Variants in LNX1 observed in about 807,000 individuals in gnomAD.
The protein encoded by LNX1 is ligand of numb-protein X 1, also known as E3 ubiquitin-protein ligase LNX.
Under a neutral mutation model 68.4 loss-of-function variants are expected in LNX1, and 54 were observed. The ratio of observed to expected loss-of-function variants is 0.79; its 90% CI spans 0.63 to 0.99. LNX1 has a LOEUF of 0.99. LNX1 is among the 50% of genes least tolerant of loss of function. The pLI is 0.00. For synonymous variants in LNX1, 336 were observed against 350.0 expected (o/e 0.96, Z 0.45); for missense variants, 906 against 926.4 (o/e 0.98, Z 0.29).
chr4:53,567,025 G>A (rs1730746322), intron 2 of LNX1, among the ~76,000 whole-genome samples: 1 of 150,648 alleles, frequency 6.6e-6, no homozygotes, highest in Non-Finnish European at 1.5e-5. Flanking sequence ...AAGAGACTTA[G>A]ACTCCCACAC....
chr4:53,553,755 A>G (rs368294521), intron 2 of LNX1, among the ~76,000 whole-genome samples: 74 of 152,126 alleles, frequency 4.9e-4, no homozygotes, highest in African/African-American at 1.8e-3. Context: ...GCCCTGATCT[A>G]TGGATTGGGA....
chr4:53,591,707 C>A (rs1260437302), upstream of LNX1: 3 of 383,284 alleles, frequency 7.8e-6, no homozygotes, highest in African/African-American at 2.2e-5. Context: ...TCAGTTAGAG[C>A]AATTTGCCAG....
Position 53,576,001 on chromosome 4 carries a change from C to T in LNX1, c.-86-1913G>A. 10 of 1,564,766 alleles carry T rather than the reference C, an allele frequency of 6.4e-6. No individual in the cohort carries two copies. The South Asian group carries it at 1.1e-4, about 17-fold the overall frequency. ...CATGCACACGCTGCTCCAGCAGGCCCTCCATCTTCCCCCCACCAGCCTGAA... is the reference window on the plus strand; with the variant it reads ...CATGCACACGCTGCTCCAGCAGGCCTTCCATCTTCCCCCCACCAGCCTGAA... On this transcript the variant is annotated intron_variant, in intron 1 of 10. Coordinates refer to ENST00000263925, the MANE Select transcript of LNX1 (RefSeq NM_001126328.3).
At chr4:53,640,996 A>G (rs888086781) in intron 1 of LNX1, among the ~76,000 whole-genome samples, 2 of 152,130 alleles carry the variant, frequency 1.3e-5, no homozygotes, top group Admixed American at 6.5e-5. Context: ...ATGAAAAGGT[A>G]TTGGAAGGCT....
At chr4:53,605,786 G>A (rs1733203538) in intron 2 of LNX1, among the ~76,000 whole-genome samples, 1 of 152,040 alleles carries the variant, frequency 6.6e-6, no homozygotes, top group Admixed American at 6.6e-5. Context: ...ATATTCCATT[G>A]TACATATGAA....
At chr4:53,507,853 T>C (rs775296172) in intron 3 of LNX1, 133 bp downstream of exon 3, 20 of 1,205,486 alleles carry the variant, frequency 1.7e-5, no homozygotes, top group Middle Eastern at 2.7e-4. Flanking sequence ...GAATTGGACA[T>C]TGGGTTCCTG....
At chr4:53,636,117 C>T (rs1358978487) in intron 1 of LNX1, among the ~76,000 whole-genome samples, 1 of 144,012 alleles carries the variant, frequency 6.9e-6, no homozygotes. Context: ...CTACTGAGGA[C>T]AATGCCTGCA....
At chr4:53,603,182 T>C (rs977171019) in intron 2 of LNX1, among the ~76,000 whole-genome samples, 2 of 152,236 alleles carry the variant, frequency 1.3e-5, no homozygotes, top group African/African-American at 2.4e-5. Context: ...CTGGTTGTGC[T>C]GGCCGTGGGG....
intron 2 of LNX1, among the ~76,000 whole-genome samples, chr4:53,554,478 T>G (rs1214515427): frequency 2.0e-5 from 3 of 152,254 alleles, no homozygotes; most frequent in African/African-American, 7.2e-5. Flanking sequence ...TTTGAATGCT[T>G]TCAGGCATTA....
At chr4:53,575,412 A>C (rs1409510158) in intron 1 of LNX1, 1 of 724,082 alleles carries the variant, frequency 1.4e-6, no homozygotes, top group Non-Finnish European at 1.7e-6. Flanking sequence ...GTAGAAAGTC[A>C]ATAAATAGTT....
chr4:53,609,091 C>G (rs1053877470), intron 2 of LNX1, among the ~76,000 whole-genome samples: 1 of 152,022 alleles, frequency 6.6e-6, no homozygotes, highest in African/African-American at 2.4e-5. Flanking sequence ...AATAGAGAAC[C>G]AGAAATAATG....
At chr4:53,570,177 G>T (rs1731045862) in intron 2 of LNX1, among the ~76,000 whole-genome samples, 1 of 139,284 alleles carries the variant, frequency 7.2e-6, no homozygotes. Context: ...TATACCCAAA[G>T]GACTATAAAT....
At chr4:53,606,489 A>AC (rs913426113) in intron 2 of LNX1, among the ~76,000 whole-genome samples, 76 of 54,250 alleles carry the variant, frequency 1.4e-3, no homozygotes, top group African/African-American at 4.1e-3. Flanking sequence ...AAACAAACAA[A>AC]AAAAAAACAG....
intron 2 of LNX1, among the ~76,000 whole-genome samples, chr4:53,559,346 T>C (rs1472784088): frequency 6.6e-6 from 1 of 152,232 alleles, no homozygotes; most frequent in Non-Finnish European, 1.5e-5. Flanking sequence ...CAAATTGGAA[T>C]TCTATTCTCT....
chr4:53,516,064 AC>A (rs889477178), intron 2 of LNX1, among the ~76,000 whole-genome samples: 13 of 152,152 alleles, frequency 8.5e-5, no homozygotes, highest in Non-Finnish European at 1.6e-4. Context: ...CCGTAGCAGG[AC>A]CCATATTCTA....
At chr4:53,521,059 T>A (rs2109574322) in intron 2 of LNX1, among the ~76,000 whole-genome samples, 1 of 152,188 alleles carries the variant, frequency 6.6e-6, no homozygotes, top group East Asian at 1.9e-4. Flanking sequence ...GGGCTATGGA[T>A]CAACGGTGCT....
At chr4:53,650,263 G>A (rs1735046061) in intron 1 of LNX1, among the ~76,000 whole-genome samples, 1 of 152,196 alleles carries the variant, frequency 6.6e-6, no homozygotes, top group Non-Finnish European at 1.5e-5. Flanking sequence ...AGCAAAGTAG[G>A]CACCTGTGCG....
intron 1 of LNX1, among the ~76,000 whole-genome samples, chr4:53,633,804 A>G (rs1734364970): frequency 1.3e-5 from 2 of 152,184 alleles, no homozygotes; most frequent in Non-Finnish European, 2.9e-5. Context: ...ATGAGAGTTT[A>G]CAGCCTCAGC....
At chr4:53,619,742 T>C (rs1733799640), upstream of LNX1, among the ~76,000 whole-genome samples, 2 of 152,220 alleles carry the variant, frequency 1.3e-5, no homozygotes, top group African/African-American at 4.8e-5. Flanking sequence ...GTGAATGTGC[T>C]GGGTTACATG....
Sources: gnomAD v4.1 joint callset for allele counts (sites outside exome capture counted in the v4.1 genomes callset) on GRCh38, gnomAD v4.1.1 for gene constraint, MANE v1.5 for transcripts, NCBI Gene and HGNC (gene_info 2026-07-23, HGNC 2026-07-21) for gene names.